SDK1: variants seen among roughly 807,000 people sequenced by gnomAD.
The protein encoded by SDK1 is sidekick cell adhesion molecule 1.
In SDK1, 157 loss-of-function variants were observed where a neutral mutation model predicts 245.5. The ratio of observed to expected loss-of-function variants is 0.64; its 90% CI spans 0.56 to 0.73. SDK1 has a LOEUF of 0.73. Ranked by LOEUF, SDK1 falls within the 30% of genes least tolerant of loss-of-function variation. SDK1 has a pLI of 0.00. For synonymous variants in SDK1, 1,647 were observed against 1,278.5 expected (o/e 1.29, Z -6.15); for missense variants, 3,583 against 3,002.3 (o/e 1.19, Z -4.52).
chr7:4,121,718 A>G (rs2128194509), intron 25 of SDK1, among the ~76,000 whole-genome samples: 1 of 152,254 alleles, frequency 6.6e-6, no homozygotes, highest in East Asian at 1.9e-4. Context: ...TTCATAGTTC[A>G]TGTTCTGTTC....
chr7:3,467,982 T>C (rs1041886962), intron 1 of SDK1, among the ~76,000 whole-genome samples: 2 of 152,110 alleles, frequency 1.3e-5, no homozygotes, highest in Non-Finnish European at 2.9e-5. Context: ...GTCATGTTTT[T>C]TTAATGAAGA....
chr7:4,025,966 C>T (rs1024058252), intron 17 of SDK1, among the ~76,000 whole-genome samples: 3 of 152,188 alleles, frequency 2.0e-5, no homozygotes, highest in Non-Finnish European at 4.4e-5. Flanking sequence ...AGAATCTTTC[C>T]TCCTCCCCCT....
chr7:3,351,973 G>C (rs531784056), intron 1 of SDK1, among the ~76,000 whole-genome samples: 1 of 152,004 alleles, frequency 6.6e-6, no homozygotes, highest in South Asian at 2.1e-4. Context: ...TTACATATAG[G>C]AATATAAAGC....
At position 3,854,071 on chromosome 7, in the gene SDK1, T is replaced by C. The variant is rs73310096; in HGVS notation, c.847+32488T>C. ...CAACCTGTATTTTTTTAAAATGCTT[T>C]ACACATTTTTAAATTTGAGAGTATG... On this transcript the variant is annotated intron_variant, in intron 5 of 44. Coordinates refer to ENST00000404826, the MANE Select transcript of SDK1 (RefSeq NM_152744.4). Among the ~76,000 whole-genome samples, 1,363 of 152,314 alleles carry C rather than the reference T, an allele frequency of 8.9e-3. 26 individuals are homozygous for C. Among genetic ancestry groups the C allele is most frequent in the African/African-American group, 0.031 (1,300 of 41,574 alleles).
At chr7:3,519,238 G>A (rs1190596215) in intron 1 of SDK1, among the ~76,000 whole-genome samples, 1 of 152,066 alleles carries the variant, frequency 6.6e-6, no homozygotes, top group Non-Finnish European at 1.5e-5. Flanking sequence ...CTGTAGGGTG[G>A]CTATCATTAA....
intron 32 of SDK1, among the ~76,000 whole-genome samples, chr7:4,164,612 C>G (rs1020828865): frequency 3.3e-5 from 5 of 152,194 alleles, no homozygotes; most frequent in Non-Finnish European, 7.3e-5. Context: ...CCTGCCAATA[C>G]CTTACCTAGG....
intron 1 of SDK1, among the ~76,000 whole-genome samples, chr7:3,438,541 A>G (rs1271948311): frequency 6.6e-6 from 1 of 152,196 alleles, no homozygotes; most frequent in Non-Finnish European, 1.5e-5. Context: ...TCCATTGTGA[A>G]GGCCCATGTG....
At chr7:3,981,647 A>G (rs1435912171) in intron 13 of SDK1, among the ~76,000 whole-genome samples, 1 of 152,202 alleles carries the variant, frequency 6.6e-6, no homozygotes, top group Non-Finnish European at 1.5e-5. Flanking sequence ...ATGTGGAGAA[A>G]GTTTGAGTGG....
At chr7:3,934,871 C>T (rs1291637564) in intron 5 of SDK1, among the ~76,000 whole-genome samples, 1 of 152,200 alleles carries the variant, frequency 6.6e-6, no homozygotes, top group Non-Finnish European at 1.5e-5. Flanking sequence ...CTGGTGAGCT[C>T]TCATCAGTGA....
intron 17 of SDK1, among the ~76,000 whole-genome samples, chr7:4,021,311 C>G (rs1786876600): frequency 2.6e-5 from 4 of 152,134 alleles, no homozygotes; most frequent in Non-Finnish European, 5.9e-5. Context: ...TTGAAGAGTC[C>G]TCAGTCAGCA....
At chr7:3,660,118 A>G (rs1783307228) in intron 4 of SDK1, among the ~76,000 whole-genome samples, 1 of 152,194 alleles carries the variant, frequency 6.6e-6, no homozygotes, top group Admixed American at 6.5e-5. Flanking sequence ...TATGTAGGTG[A>G]TATTTAAGAC....
chr7:3,624,191 A>T (rs1782038019), intron 2 of SDK1, among the ~76,000 whole-genome samples: 1 of 152,156 alleles, frequency 6.6e-6, no homozygotes, highest in Non-Finnish European at 1.5e-5. Context: ...CAGAAAGCTA[A>T]TATCAATAGC....
chr7:3,614,195 A>G (rs1326406727), intron 1 of SDK1, among the ~76,000 whole-genome samples: 1 of 152,164 alleles, frequency 6.6e-6, no homozygotes, highest in Non-Finnish European at 1.5e-5. Context: ...CAGACCTTAA[A>G]CCTATATTAT....
Position 3,974,403 on chromosome 7 carries a change from C to A in SDK1, c.1852C>A (p.Pro618Thr). Reference protein sequence around the residue: ...VWKKDNVALTPSSTSRIVVEK... With the variant: ...VWKKDNVALTTSSTSRIVVEK... The stretch of plus-strand genomic sequence containing the variant: ...GAAGAAGGACAACGTGGCCCTGACT[C>A]CATCGAGCACGTCTAGGATCGTGGT... Residue 618 changes from proline to threonine, a missense_variant, in exon 13 of 45, where the codon CCA becomes ACA. Pro to Thr is a conservative substitution (Grantham distance 38). Coordinates refer to ENST00000404826, the MANE Select transcript of SDK1 (RefSeq NM_152744.4). 6.2e-7 allele frequency: 1 copy of A among 1,613,998 alleles called. No individual in the cohort carries two copies. The highest frequency in any genetic ancestry group is 8.5e-7 in the Non-Finnish European group (1 of 1,179,940).
Position 3,619,165 on chromosome 7 carries a change from C to T in SDK1, c.384C>T (p.Ala128=), listed in dbSNP as rs370227347. Residue 128 remains alanine (A), a synonymous_variant, in exon 2 of 45, where the codon GCC becomes GCT. Coordinates refer to ENST00000404826, the MANE Select transcript of SDK1 (RefSeq NM_152744.4). The part of the protein sequence containing the change: ...EGNRLVLTCL[A]EGSWPLEFKW... ...ACCGCCTTGTTCTCACCTGCCTTGC[C>T]GAAGGGAGCTGGCCTTTGGAGTTCA... is the stretch of plus-strand genomic sequence containing the variant. 2.5e-5 allele frequency: 40 copies of T among 1,613,684 alleles called. No homozygotes were observed. Among genetic ancestry groups the T allele is most frequent in the East Asian group, 8.9e-5 (4 of 44,886 alleles).
At chr7:3,978,791 C>CTG (rs984272975) in intron 13 of SDK1, among the ~76,000 whole-genome samples, 1 of 152,200 alleles carries the variant, frequency 6.6e-6, no homozygotes, top group Admixed American at 6.5e-5. Flanking sequence ...AGGGAAGGGA[C>CTG]TGAGAGGTGC....
chr7:3,894,698 C>CTTTTTTT (rs942252289), intron 5 of SDK1, among the ~76,000 whole-genome samples: 2 of 135,462 alleles, frequency 1.5e-5, no homozygotes, highest in African/African-American at 2.8e-5. Flanking sequence ...ACTATTTTTT[C>CTTTTTTT]TTTTTTTTTT....
intron 1 of SDK1, among the ~76,000 whole-genome samples, chr7:3,470,010 A>G (rs1258925856): frequency 1.3e-5 from 2 of 152,120 alleles, no homozygotes; most frequent in Non-Finnish European, 2.9e-5. Flanking sequence ...AGTAATATCA[A>G]TGGCCAGAAG....
intron 4 of SDK1, chr7:3,643,512 C>CT (rs1782720056): frequency 7.3e-6 from 1 of 137,460 alleles, no homozygotes; most frequent in Non-Finnish European, 1.5e-5. Context: ...TGTGGAATTC[C>CT]TTCCGTAAAC....
Sources: gnomAD v4.1 joint callset for allele counts (sites outside exome capture counted in the v4.1 genomes callset) on GRCh38, gnomAD v4.1.1 for gene constraint, MANE v1.5 for transcripts, NCBI Gene and HGNC (gene_info 2026-07-23, HGNC 2026-07-21) for gene names.